PDE6A: variants seen among roughly 807,000 people sequenced by gnomAD.
PDE6A encodes rod cGMP-specific 3',5'-cyclic phosphodiesterase subunit alpha.
A neutral mutation model predicts 106.3 loss-of-function variants in PDE6A; 84 were observed. That is an observed-to-expected ratio of 0.79 (90% confidence interval 0.66 to 0.95). The LOEUF (loss-of-function observed/expected upper bound fraction) is 0.95, where lower values mean the gene tolerates loss of function less well. Among genes scored for constraint, PDE6A ranks in the 40% least tolerant of loss-of-function variants. The pLI, the probability that PDE6A is intolerant of heterozygous loss-of-function variation, is 0.00. For missense variants in PDE6A, 1,052 were observed against 1,084.9 expected, an observed-to-expected ratio of 0.97 and a Z score of 0.43; for synonymous variants, 394 against 386.6, an observed-to-expected ratio of 1.02 and a Z score of -0.23.
intron 15 of PDE6A, 34 bp from the exon 16 acceptor site, chr5:149,884,613 A>G (rs1207338690): frequency 2.6e-6 from 4 of 1,561,854 alleles, no homozygotes; most frequent in South Asian, 1.1e-5. Flanking sequence ...ATGGGAGAGA[A>G]TTGATGCTGG....
chr5:149,934,623 G>A lies in PDE6A; in HGVS notation c.570C>T (p.Ala190=). 6.2e-7 allele frequency: 1 copy of A among 1,614,128 alleles called. No homozygotes were observed. Among genetic ancestry groups the A allele is most frequent in the Non-Finnish European group, 8.5e-7 (1 of 1,179,966 alleles). Residue 190 remains alanine, a synonymous_variant, in exon 2 of 22, where the codon GCC becomes GCT. Coordinates refer to ENST00000255266, the MANE Select transcript of PDE6A (RefSeq NM_000440.3). ...SPIMNGKDVV[A]IIMAVNKVDG... Reference sequence around the variant, plus strand: ...CCACTTTATTCACAGCCATGATTATGGCCACCACATCCTTCCCATTCATTA... The same window carrying A: ...CCACTTTATTCACAGCCATGATTATAGCCACCACATCCTTCCCATTCATTA...
At chr5:149,884,931 G>T in intron 14 of PDE6A, 64 bp from the exon 15 acceptor site, 1 of 1,270,334 alleles carries the variant, frequency 7.9e-7, no homozygotes, top group Non-Finnish European at 1.1e-6. Context: ...TAAACATCAA[G>T]TCTCCTGACT....
intron 6 of PDE6A, among the ~76,000 whole-genome samples, chr5:149,910,086 G>T (rs1753328375): frequency 6.6e-6 from 1 of 152,118 alleles, no homozygotes; most frequent in Non-Finnish European, 1.5e-5. Context: ...GTCATGTTAT[G>T]AGGTGCTTGC....
chr5:149,944,132 C>A (rs1213868676), intron 1 of PDE6A, 68 bp downstream of exon 1: 6 of 1,281,034 alleles, frequency 4.7e-6, no homozygotes, highest in Admixed American at 1.7e-5. Context: ...ATGCCCCTCA[C>A]CCCACCTGTA....
chr5:149,894,472 ATTTT>A (rs1752657304), intron 13 of PDE6A, among the ~76,000 whole-genome samples: 2 of 152,010 alleles, frequency 1.3e-5, no homozygotes, highest in South Asian at 4.1e-4. Context: ...TTATTTATTT[ATTTT>A]AAGTGGATTT....
Position 149,888,562 on chromosome 5 carries a change from A to G in PDE6A, c.1729-2188T>C, listed in dbSNP as rs547809975. 1.4e-4 allele frequency among the ~76,000 whole-genome samples: 21 copies of G among 150,504 alleles called. No individual in the cohort carries two copies. The South Asian group carries it at 3.5e-3, about 25-fold the overall frequency. ...GAAACAATTCTATAAGCAATTATAC[A>G]AGAGGGCAAAAACTGCTTTTGGTAA... On this transcript the variant is annotated intron_variant, in intron 13 of 21. Transcript: ENST00000255266.
At chr5:149,889,081 C>CAAAAAAAAAAAAAA (rs568428704) in intron 13 of PDE6A, among the ~76,000 whole-genome samples, 1,136 of 61,384 alleles carry the variant, frequency 0.019, 188 homozygotes, top group African/African-American at 0.066. Flanking sequence ...GACTCTGTCT[C>CAAAAAAAAAAAAAA]AAAAAAAAAA....
rs1399449585 is a variant in PDE6A, at chr5:149,863,959, C to T, written c.2359-693G>A. 6.6e-6 allele frequency among the ~76,000 whole-genome samples: 1 copy of T among 152,048 alleles called. No individual in the cohort carries two copies. The highest frequency in any genetic ancestry group is 1.5e-5 in the Non-Finnish European group (1 of 68,016). On this transcript the variant is annotated intron_variant, in intron 20 of 21. Coordinates refer to ENST00000255266, the MANE Select transcript of PDE6A (RefSeq NM_000440.3). The surrounding 1 kb of genome is among the most constrained non-coding windows in gnomAD (Gnocchi z 4.7). ...ACTTTGCTGGAACACTCTAACCTCCCGTTTTCTTCCTTGAGGCCTCCACTT... is the reference window on the plus strand; with the variant it reads ...ACTTTGCTGGAACACTCTAACCTCCTGTTTTCTTCCTTGAGGCCTCCACTT...
At chr5:149,884,179 C>A (rs1305943602) in intron 16 of PDE6A, among the ~76,000 whole-genome samples, 2 of 135,854 alleles carry the variant, frequency 1.5e-5, no homozygotes, top group African/African-American at 5.6e-5. Context: ...GAGATCCTGT[C>A]TCAAAAAAGA....
Position 149,934,619 on chromosome 5 carries a change from T to C in PDE6A, c.574A>G (p.Ile192Val). 1 of 1,614,160 alleles carries C rather than the reference T, an allele frequency of 6.2e-7. No individual in the cohort carries two copies. Among genetic ancestry groups the C allele is most frequent in the Non-Finnish European group, 8.5e-7 (1 of 1,179,994 alleles). Reference protein sequence around the residue: ...IMNGKDVVAIIMAVNKVDGSH... With the variant: ...IMNGKDVVAIVMAVNKVDGSH... ...CCATCCACTTTATTCACAGCCATGA[T>C]TATGGCCACCACATCCTTCCCATTC... is the stretch of plus-strand genomic sequence containing the variant. Residue 192 changes from isoleucine to valine, a missense_variant, in exon 2 of 22, where the codon ATC (isoleucine) becomes GTC (valine). By Grantham distance (29) the Ile-to-Val change is conservative (BLOSUM62 3). Transcript: ENST00000255266.
At chr5:149,936,902 T>C (rs1315471906) in intron 1 of PDE6A, among the ~76,000 whole-genome samples, 1 of 152,244 alleles carries the variant, frequency 6.6e-6, no homozygotes. Flanking sequence ...GTCTTCCATA[T>C]GCTAGGCACT....
chr5:149,883,029 G>T (rs1760986659), intron 17 of PDE6A, among the ~76,000 whole-genome samples: 1 of 152,166 alleles, frequency 6.6e-6, no homozygotes, highest in Non-Finnish European at 1.5e-5. Context: ...CTACACTCCA[G>T]CCTGGGCGAC....
At chr5:149,920,180 A>T (rs1204878800) in intron 5 of PDE6A, among the ~76,000 whole-genome samples, 1 of 152,144 alleles carries the variant, frequency 6.6e-6, no homozygotes, top group East Asian at 1.9e-4. Flanking sequence ...AAACAAAAAC[A>T]AATAAAATAA....
intron 17 of PDE6A, 38 bp downstream of exon 17, chr5:149,883,391 G>A (rs970968217): frequency 8.9e-6 from 12 of 1,341,086 alleles, no homozygotes; most frequent in Middle Eastern, 1.8e-4. Flanking sequence ...ATGATCCTAA[G>A]CCTAAGAGGA....
intron 10 of PDE6A, among the ~76,000 whole-genome samples, chr5:149,897,828 C>T (rs1031442607): frequency 1.3e-5 from 2 of 152,148 alleles, no homozygotes; most frequent in Non-Finnish European, 2.9e-5. Flanking sequence ...CTCAAGCGAT[C>T]TGACCACCTT....
rs1469019987 is a variant in PDE6A, at chr5:149,903,163, A to AAC, written c.1113+484_1113+485insGT. ...GACCCTCTCTAAAAAAAAAAAAAAA[A>AAC]AAAAACAAAAGAAAACAACAACAAC... On this transcript the variant is annotated intron_variant, in intron 8 of 21. Coordinates refer to ENST00000255266, the MANE Select transcript of PDE6A (RefSeq NM_000440.3). Among the ~76,000 whole-genome samples, 13 of 149,260 alleles carry AAC rather than the reference A, an allele frequency of 8.7e-5. No homozygotes were observed. In the South Asian group the frequency reaches 1.5e-3, roughly 17 times the overall value.
intron 5 of PDE6A, among the ~76,000 whole-genome samples, chr5:149,915,788 T>C (rs1460036177): frequency 1.3e-5 from 2 of 152,238 alleles, no homozygotes; most frequent in Non-Finnish European, 2.9e-5. Flanking sequence ...TGTAATTCTT[T>C]GCATGCCTGG....
intron 6 of PDE6A, among the ~76,000 whole-genome samples, chr5:149,911,558 A>G (rs1329309902): frequency 6.6e-6 from 1 of 152,218 alleles, no homozygotes; most frequent in African/African-American, 2.4e-5. Flanking sequence ...CATGTCTGCC[A>G]TGGCTAACAA....
rs574655382 is a variant in PDE6A at position 149,874,826 on chromosome 5, C to A, written c.2136-6668G>T. On this transcript the variant is annotated intron_variant, in intron 17 of 21. Coordinates refer to ENST00000255266, the MANE Select transcript of PDE6A (RefSeq NM_000440.3). ...CTCTGTCAGGAACCAGGAACGAAGA[C>A]CAAACATATATGTCTTCTTATACCA... 3.9e-5 allele frequency among the ~76,000 whole-genome samples: 6 copies of A among 152,216 alleles called. No homozygotes were observed. In the South Asian group the frequency reaches 1.2e-3, roughly 32 times the overall value.
Sources: allele counts gnomAD v4.1 joint callset (sites outside exome capture counted in the v4.1 genomes callset), GRCh38; gene constraint gnomAD v4.1.1; non-coding constraint Gnocchi (gnomAD v3.1); transcripts MANE v1.5; gene names NCBI Gene and HGNC (gene_info 2026-07-23, HGNC 2026-07-21).